CNBD1: variants seen among roughly 807,000 people sequenced by gnomAD.
CNBD1 encodes the protein cyclic nucleotide-binding domain-containing protein 1.
Under a neutral mutation model 54.4 loss-of-function variants are expected in CNBD1, and 71 were observed. That is an observed-to-expected ratio of 1.30 (90% CI 1.08 to 1.59). The LOEUF (loss-of-function observed/expected upper bound fraction) is 1.59. Among genes scored for constraint, CNBD1 ranks in the 40% most tolerant of loss-of-function variants. The probability of loss-of-function intolerance (pLI) is 0.00; values close to 1 mark genes in which losing one functional copy is unlikely to be tolerated. For missense variants in CNBD1, 659 were observed against 518.0 expected (o/e 1.27, Z -2.64); for synonymous variants, 182 against 170.7 (o/e 1.07, Z -0.51).
At chr8:86,948,176 G>A (rs1807515658) in intron 4 of CNBD1, among the ~76,000 whole-genome samples, 1 of 152,064 alleles carries the variant, frequency 6.6e-6, no homozygotes, top group South Asian at 2.1e-4. Context: ...GGACACTTAG[G>A]CTGCTTCCAA....
chr8:87,034,851 C>A (rs546901970), intron 4 of CNBD1, among the ~76,000 whole-genome samples: 1 of 152,186 alleles, frequency 6.6e-6, no homozygotes, highest in South Asian at 2.1e-4. Context: ...GTTCAAGGAT[C>A]AACTATATAC....
At chr8:87,212,837 A>G (rs2130802703) in intron 5 of CNBD1, among the ~76,000 whole-genome samples, 1 of 152,252 alleles carries the variant, frequency 6.6e-6, no homozygotes, top group South Asian at 2.1e-4. Flanking sequence ...AGAGACAAAG[A>G]AAAAATTGAA....
chr8:87,240,956 G>A lies in CNBD1; in HGVS notation c.771+3844G>A, dbSNP rs144325042. Among the ~76,000 whole-genome samples, 3 of 152,140 alleles carry A rather than the reference G, an allele frequency of 2.0e-5. No homozygotes were observed. In the East Asian group the frequency reaches 5.8e-4, roughly 30 times the overall value. On this transcript the variant is annotated intron_variant, in intron 6 of 10. Transcript: ENST00000518476. ...TGTTCCCTTTTCGTACAGTTTAGCT[G>A]GATACTTTTTGTGGGTCCCCCCAGT...
Position 87,166,872 on chromosome 8 carries a change from G to A in CNBD1, c.432-39121G>A, listed in dbSNP as rs115459906. Among the ~76,000 whole-genome samples the A allele has an allele frequency of 7.8e-3, 1,190 of 151,794 alleles. 14 individuals carry two copies. Among genetic ancestry groups the A allele is most frequent in the African/African-American group, 0.028 (1,147 of 41,304 alleles). On this transcript the variant is annotated intron_variant, in intron 4 of 10. Coordinates refer to ENST00000518476, the MANE Select transcript of CNBD1 (RefSeq NM_173538.3). The surrounding 1 kb of genome is among the most constrained non-coding windows in gnomAD (Gnocchi z 4.3). ...ATTGTTCTATTTTCCAGTATAGTAT[G>A]TAACTATATATTTAATTTTTTTATT...
At chr8:86,951,252 C>T (rs2336865) in intron 4 of CNBD1, among the ~76,000 whole-genome samples, 93,808 of 151,718 alleles carry the variant, frequency 0.62, 29,222 homozygotes, top group Admixed American at 0.66. Flanking sequence ...ACAGATAATG[C>T]AACTATTCTT....
Position 87,202,881 on chromosome 8 carries a change from A to C in CNBD1, c.432-3112A>C, listed in dbSNP as rs540218597. On this transcript the variant is annotated intron_variant, in intron 4 of 10. Transcript: ENST00000518476. The stretch of plus-strand genomic sequence containing the variant: ...CAATTCCTGTCAGAGACTGCAGTGC[A>C]CTGGCTGTGTAGCCAGTCTGGTGTG... 2.0e-5 allele frequency among the ~76,000 whole-genome samples: 3 copies of C among 152,260 alleles called. No individual in the cohort carries two copies. In the South Asian group the frequency reaches 6.2e-4, roughly 32 times the overall value.
intron 2 of CNBD1, among the ~76,000 whole-genome samples, chr8:86,896,007 C>A (rs1808842538): frequency 6.6e-6 from 1 of 151,896 alleles, no homozygotes; most frequent in Non-Finnish European, 1.5e-5. Context: ...AAATATTAAT[C>A]CCTTATCAGA....
chr8:87,327,611 C>T (rs866058976), intron 8 of CNBD1, among the ~76,000 whole-genome samples: 9 of 152,306 alleles, frequency 5.9e-5, no homozygotes, highest in Admixed American at 2.0e-4. Flanking sequence ...AAGGGAACTC[C>T]CTGACCCCTT....
At chr8:87,197,469 T>G (rs1480397853) in intron 4 of CNBD1, among the ~76,000 whole-genome samples, 3 of 152,098 alleles carry the variant, frequency 2.0e-5, no homozygotes, top group Non-Finnish European at 2.9e-5. Context: ...TTTACCAGAG[T>G]GTAGCCTGGG....
At chr8:87,053,021 A>C (rs1338537959) in intron 4 of CNBD1, among the ~76,000 whole-genome samples, 1 of 118,364 alleles carries the variant, frequency 8.4e-6, no homozygotes, top group Non-Finnish European at 1.7e-5. Context: ...GGGGCCCAAG[A>C]TAAGGGGTGG....
At chr8:87,016,625 AAACTTTAGTGGATTGTAGAAAT>A (rs1809362512) in intron 4 of CNBD1, among the ~76,000 whole-genome samples, 1 of 152,240 alleles carries the variant, frequency 6.6e-6, no homozygotes, top group Non-Finnish European at 1.5e-5. Flanking sequence ...TCTTTAAAAA[AAACTTTAGTGGATTGTAGAAAT>A]AACTACTTTA....
intron 10 of CNBD1, among the ~76,000 whole-genome samples, chr8:87,376,484 A>G (rs1449616840): frequency 6.6e-6 from 1 of 151,940 alleles, no homozygotes; most frequent in African/African-American, 2.4e-5. Context: ...TTAGCCCATG[A>G]CACATGCTAA....
intron 6 of CNBD1, among the ~76,000 whole-genome samples, chr8:87,273,664 G>A (rs937340410): frequency 2.0e-5 from 3 of 151,762 alleles, no homozygotes; most frequent in African/African-American, 7.3e-5. Context: ...CATGAATATC[G>A]TTATTCTTTG....
At position 87,177,048 on chromosome 8, in the gene CNBD1, A is replaced by G. The variant is rs571076395; in HGVS notation, c.432-28945A>G. Among the ~76,000 whole-genome samples the G allele has an allele frequency of 3.3e-5, 5 of 152,294 alleles. No individual in the cohort carries two copies. In the South Asian group the frequency reaches 1.0e-3, roughly 32 times the overall value. ...GAGGCTCATGTTCTTTAACTAAATA[A>G]TAAGAAAATACCAACTATATAAATG... On this transcript the variant is annotated intron_variant, in intron 4 of 10. Transcript: ENST00000518476.
chr8:86,870,482 C>A (rs1026494677), intron 1 of CNBD1, among the ~76,000 whole-genome samples: 1 of 151,876 alleles, frequency 6.6e-6, no homozygotes, highest in African/African-American at 2.4e-5. Flanking sequence ...CAGATGTGAG[C>A]CACCGCGCCT....
chr8:87,085,994 A>G (rs1197766323), intron 4 of CNBD1, among the ~76,000 whole-genome samples: 1 of 152,114 alleles, frequency 6.6e-6, no homozygotes, highest in East Asian at 1.9e-4. Flanking sequence ...GATAGGGCAA[A>G]GGGATCATGC....
chr8:87,124,132 G>A (rs1303329696), intron 4 of CNBD1, among the ~76,000 whole-genome samples: 3 of 151,552 alleles, frequency 2.0e-5, no homozygotes, highest in South Asian at 2.1e-4. Context: ...TTTTTATGAG[G>A]CTGGAATTAC....
intron 3 of CNBD1, among the ~76,000 whole-genome samples, chr8:86,930,033 G>T (rs181106945): frequency 1.3e-5 from 2 of 152,124 alleles, no homozygotes; most frequent in African/African-American, 2.4e-5. Flanking sequence ...GGTTTTGAAG[G>T]CTGTTTCCAT....
At chr8:87,258,657 C>T (rs1419549329) in intron 6 of CNBD1, among the ~76,000 whole-genome samples, 2 of 152,076 alleles carry the variant, frequency 1.3e-5, no homozygotes. Flanking sequence ...TTCACCCTTG[C>T]ACTAGTGGAC....
Sources: gnomAD v4.1 joint callset for allele counts (sites outside exome capture counted in the v4.1 genomes callset) on GRCh38, gnomAD v4.1.1 for gene constraint, Gnocchi (gnomAD v3.1) non-coding constraint, MANE v1.5 for transcripts, NCBI Gene and HGNC (gene_info 2026-07-23, HGNC 2026-07-21) for gene names.